Variants in PRKCA observed in about 807,000 individuals in gnomAD.
The protein encoded by PRKCA is protein kinase C alpha type.
PRKCA carries 27 observed loss-of-function variants against 87.0 expected under a neutral mutation model. That is an observed-to-expected ratio of 0.31 (90% CI 0.23 to 0.43). The LOEUF (loss-of-function observed/expected upper bound fraction) is 0.43. Ranked by LOEUF, PRKCA falls within the 20% of genes least tolerant of loss-of-function variation. The pLI is 1.00. For synonymous variants in PRKCA, 329 were observed against 311.1 expected (o/e 1.06, Z -0.61); for missense variants, 518 against 852.3 (o/e 0.61, Z 4.88).
At chr17:66,567,220 C>T (rs1401166238) in intron 3 of PRKCA, among the ~76,000 whole-genome samples, 1 of 152,166 alleles carries the variant, frequency 6.6e-6, no homozygotes, top group Non-Finnish European at 1.5e-5. Flanking sequence ...TAATTAATTT[C>T]TCTAAGTATG....
At chr17:66,748,447 G>A (rs762257304) in intron 13 of PRKCA, among the ~76,000 whole-genome samples, 2 of 152,148 alleles carry the variant, frequency 1.3e-5, no homozygotes, top group African/African-American at 2.4e-5. Context: ...AAAGATGGGA[G>A]GAATAAAGAC....
chr17:66,765,444 A>C (rs758795252), intron 13 of PRKCA, among the ~76,000 whole-genome samples: 118 of 114,698 alleles, frequency 1.0e-3, no homozygotes, highest in South Asian at 1.8e-3. Flanking sequence ...ATATATATAT[A>C]TATATATATA....
intron 2 of PRKCA, among the ~76,000 whole-genome samples, chr17:66,339,345 A>G (rs1906899350): frequency 6.6e-6 from 1 of 152,190 alleles, no homozygotes; most frequent in African/African-American, 2.4e-5. Context: ...CCTTCTGGAA[A>G]CAGTGGCTCA....
chr17:66,595,463 C>CTTTTTTTTTTTTTTT lies in PRKCA; in HGVS notation c.289-45890_289-45876dup, dbSNP rs374376124. 2.1e-4 allele frequency among the ~76,000 whole-genome samples: 25 copies of CTTTTTTTTTTTTTTT among 116,524 alleles called. 1 individual carries two copies. Among genetic ancestry groups the CTTTTTTTTTTTTTTT allele is most frequent in the South Asian group, 5.9e-4 (2 of 3,382 alleles). The allele number at this position is 116,524 out of a possible 152,430, so 76.4% of individuals were successfully genotyped here. ...AACTCTATTTTATTTTCTTTTCCTT[C>CTTTTTTTTTTTTTTT]TTTTTTTTTTTTTTTTGAGACAGTC... On this transcript the variant is annotated intron_variant, in intron 3 of 16. Transcript: ENST00000413366.
At chr17:66,745,455 T>C (rs1211485884) in intron 13 of PRKCA, among the ~76,000 whole-genome samples, 1 of 151,600 alleles carries the variant, frequency 6.6e-6, no homozygotes, top group Non-Finnish European at 1.5e-5. Flanking sequence ...CCAAGGCAGG[T>C]GGATCAATTG....
chr17:66,444,434 G>A (rs375506174), intron 2 of PRKCA, among the ~76,000 whole-genome samples: 1 of 152,174 alleles, frequency 6.6e-6, no homozygotes, highest in East Asian at 1.9e-4. Flanking sequence ...ATCTATGATG[G>A]CTGGGGGTGT....
At chr17:66,769,081 C>A (rs1974874287) in intron 13 of PRKCA, among the ~76,000 whole-genome samples, 1 of 152,104 alleles carries the variant, frequency 6.6e-6, no homozygotes, top group Non-Finnish European at 1.5e-5. Flanking sequence ...GACTGACGGG[C>A]TGTGGAAGGG....
chr17:66,786,613 T>A (rs8074268), intron 14 of PRKCA, among the ~76,000 whole-genome samples: 16,842 of 152,220 alleles, frequency 0.11, 1,030 homozygotes, highest in African/African-American at 0.14. Flanking sequence ...TCAAAAACAC[T>A]TTCCCTAAAG....
chr17:66,376,831 A>C (rs1567797316), intron 2 of PRKCA, among the ~76,000 whole-genome samples: 3 of 152,006 alleles, frequency 2.0e-5, no homozygotes. Flanking sequence ...TGGCTTCTGC[A>C]TAGCTCCTTG....
chr17:66,558,840 C>T (rs182131172), intron 3 of PRKCA, among the ~76,000 whole-genome samples: 2 of 152,110 alleles, frequency 1.3e-5, no homozygotes, highest in Admixed American at 6.6e-5. Flanking sequence ...CATGGAGGTT[C>T]GGCCATGGAC....
intron 13 of PRKCA, among the ~76,000 whole-genome samples, chr17:66,751,871 A>G (rs1162060032): frequency 6.6e-6 from 1 of 152,216 alleles, no homozygotes; most frequent in African/African-American, 2.4e-5. Context: ...CAAGAGAGAG[A>G]GCAGGGAGGT....
At chr17:66,308,424 T>G (rs1018675980) in intron 2 of PRKCA, among the ~76,000 whole-genome samples, 13 of 152,098 alleles carry the variant, frequency 8.5e-5, no homozygotes, top group African/African-American at 3.1e-4. Context: ...TTTTAGCCAT[T>G]TGTGTTGTGT....
intron 3 of PRKCA, among the ~76,000 whole-genome samples, chr17:66,512,663 G>A (rs1235338105): frequency 1.3e-5 from 2 of 151,928 alleles, no homozygotes; most frequent in Admixed American, 1.3e-4. Context: ...TTCAGACTCC[G>A]CTGAAATACT....
chr17:66,369,627 T>C (rs1372818267), intron 2 of PRKCA, among the ~76,000 whole-genome samples: 1 of 152,200 alleles, frequency 6.6e-6, no homozygotes, highest in African/African-American at 2.4e-5. Context: ...CAGTAAAACC[T>C]GTGGCATTGC....
chr17:66,592,120 C>T (rs1440788691), intron 3 of PRKCA, among the ~76,000 whole-genome samples: 4 of 151,818 alleles, frequency 2.6e-5, no homozygotes, highest in East Asian at 3.9e-4. Context: ...TTTGAGAGGC[C>T]GAGGCAGGCA....
In PRKCA at chr17:66,805,865, G is replaced by A. The variant is rs542556409; in HGVS notation, c.*1828G>A. ...CTGACTCCAGGGGTGGGAGGGATGG[G>A]GAGACTCCCCTCTTGCTGTGTGTAC... is the stretch of plus-strand genomic sequence containing the variant. On this transcript the variant is annotated 3_prime_UTR_variant, in exon 17 of 17. Coordinates refer to ENST00000413366, the MANE Select transcript of PRKCA (RefSeq NM_002737.3). The A allele has an allele frequency of 3.3e-5, 5 of 152,016 alleles. No individual in the cohort carries two copies. In the East Asian group the frequency reaches 9.7e-4, roughly 29 times the overall value. The allele number at this position is 152,016 out of a possible 1,614,324, so 9.4% of individuals were successfully genotyped here.
intron 2 of PRKCA, among the ~76,000 whole-genome samples, chr17:66,420,288 C>T (rs1912415486): frequency 1.3e-5 from 2 of 152,188 alleles, no homozygotes; most frequent in South Asian, 4.2e-4. Context: ...GGATGACAGG[C>T]GTGAACCACC....
chr17:66,366,452 C>A (rs1230784727), intron 2 of PRKCA, among the ~76,000 whole-genome samples: 5 of 152,074 alleles, frequency 3.3e-5, no homozygotes, highest in African/African-American at 1.2e-4. Context: ...ATTTTCAGGG[C>A]GTGGTGCTGA....
At chr17:66,537,847 C>T (rs903544177) in intron 3 of PRKCA, among the ~76,000 whole-genome samples, 8 of 152,028 alleles carry the variant, frequency 5.3e-5, no homozygotes, top group African/African-American at 1.9e-4. Flanking sequence ...GCTCTGTCAC[C>T]CAGGCTGGAG....
Sources: gnomAD v4.1 joint callset for allele counts (sites outside exome capture counted in the v4.1 genomes callset) on GRCh38, gnomAD v4.1.1 for gene constraint, MANE v1.5 for transcripts, NCBI Gene and HGNC (gene_info 2026-07-23, HGNC 2026-07-21) for gene names.